SLC25A37: variants seen among roughly 807,000 people sequenced by gnomAD.
SLC25A37 encodes the protein solute carrier family 25 member 37.
Under a neutral mutation model 31.0 loss-of-function variants are expected in SLC25A37, and 17 were observed. The observed-to-expected ratio is 0.55, with a 90% CI of 0.38 to 0.82. The LOEUF (loss-of-function observed/expected upper bound fraction) is 0.82. Among genes scored for constraint, SLC25A37 ranks in the 40% least tolerant of loss-of-function variants. The pLI is 0.00. For missense variants in SLC25A37, 404 were observed against 465.8 expected (o/e 0.87, Z 1.22); for synonymous variants, 222 against 193.0 (o/e 1.15, Z -1.24).
rs567122192 is a variant in SLC25A37, at chr8:23,575,460, C to T, written c.*3605C>T. 3 of 152,234 alleles carry T rather than the reference C, an allele frequency of 2.0e-5. No homozygotes were observed. Among genetic ancestry groups the T allele is most frequent in the Admixed American group, 6.5e-5 (1 of 15,292 alleles). The allele number at this position is 152,234 out of a possible 1,614,324, so 9.4% of individuals were successfully genotyped here. A position where few individuals can be genotyped will look rare whatever the true frequency, so the allele number is the denominator to read the frequency against. ...CTAGAGAAAATAAAGTACTGATCTT[C>T]GAAGTGTTGTGGGCTCTGTGGTGGG... is the stretch of plus-strand genomic sequence containing the variant. On this transcript the variant is annotated 3_prime_UTR_variant, in exon 4 of 4. Transcript: ENST00000519973.
At chr8:23,531,639 A>G (rs1326468958) in intron 1 of SLC25A37, 3 of 152,254 alleles carry the variant, frequency 2.0e-5, no homozygotes, top group Non-Finnish European at 4.4e-5. Flanking sequence ...TTGATCTTGT[A>G]ATGACAAATA....
At chr8:23,559,192 T>C (rs1447212758) in intron 1 of SLC25A37, among the ~76,000 whole-genome samples, 1 of 152,208 alleles carries the variant, frequency 6.6e-6, no homozygotes, top group Non-Finnish European at 1.5e-5. Context: ...AGTATGGTAA[T>C]GTGCTTATGC....
At chr8:23,532,642 C>T (rs1028700097) in intron 1 of SLC25A37, among the ~76,000 whole-genome samples, 2 of 152,304 alleles carry the variant, frequency 1.3e-5, no homozygotes, top group East Asian at 3.9e-4. Context: ...CCTTCTTTTG[C>T]TTTGCTGTTG....
intron 1 of SLC25A37, among the ~76,000 whole-genome samples, chr8:23,550,799 C>T (rs986127570): frequency 1.3e-5 from 2 of 152,186 alleles, no homozygotes; most frequent in Non-Finnish European, 2.9e-5. Flanking sequence ...ATATCTGTGC[C>T]CTGTAGTACC....
At chr8:23,566,729 A>T in intron 2 of SLC25A37, 2 of 993,712 alleles carry the variant, frequency 2.0e-6, no homozygotes, top group South Asian at 8.4e-5. Flanking sequence ...AAAAAAAAAA[A>T]GTTATCTGGA....
chr8:23,570,178 G>C (rs916939247), intron 3 of SLC25A37, among the ~76,000 whole-genome samples: 1 of 152,128 alleles, frequency 6.6e-6, no homozygotes, highest in Admixed American at 6.5e-5. Flanking sequence ...TTTCTTTATC[G>C]TGTGCCGCAC....
intron 1 of SLC25A37, among the ~76,000 whole-genome samples, chr8:23,546,556 G>GTATATATA (rs56169952): frequency 4.7e-5 from 2 of 42,590 alleles, no homozygotes; most frequent in Non-Finnish European, 7.4e-5. Flanking sequence ...TATATATAGT[G>GTATATATA]TATATATATA....
chr8:23,530,785 T>C (rs1801647022), intron 1 of SLC25A37, among the ~76,000 whole-genome samples: 1 of 152,228 alleles, frequency 6.6e-6, no homozygotes, highest in Admixed American at 6.5e-5. Flanking sequence ...GAATGTTCTA[T>C]TCGGGAACCC....
intron 2 of SLC25A37, chr8:23,566,859 G>A (rs1802675678): frequency 5.1e-6 from 5 of 981,928 alleles, no homozygotes; most frequent in Non-Finnish European, 6.0e-6. Flanking sequence ...AACGCAGAAG[G>A]CCTTTCCCAC....
Position 23,528,988 on chromosome 8 carries a change from C to T in SLC25A37, c.-15C>T. ...CCCACCTCCTGCAGCCTCCTGCGCC[C>T]CGCCGAGCTGGCGGATGGAGCTGCG... is the stretch of plus-strand genomic sequence containing the variant. On this transcript the variant is annotated 5_prime_UTR_variant, in exon 1 of 4. Coordinates refer to ENST00000519973, the MANE Select transcript of SLC25A37 (RefSeq NM_016612.4). 6.1e-6 allele frequency: 9 copies of T among 1,483,728 alleles called. No homozygotes were observed. Among genetic ancestry groups the T allele is most frequent in the Non-Finnish European group, 8.1e-6 (9 of 1,114,892 alleles). 91.9% of individuals were successfully genotyped at this position (1,483,728 alleles called of 1,614,324 possible). A position where few individuals can be genotyped will look rare whatever the true frequency, so the allele number is the denominator to read the frequency against.
chr8:23,541,167 A>T (rs1361988831), intron 1 of SLC25A37, among the ~76,000 whole-genome samples: 6 of 152,016 alleles, frequency 3.9e-5, no homozygotes, highest in African/African-American at 1.5e-4. Context: ...GTGGTAATGT[A>T]GACAGGGGAT....
intron 3 of SLC25A37, among the ~76,000 whole-genome samples, chr8:23,570,082 G>T (rs1035211443): frequency 2.0e-5 from 3 of 152,116 alleles, no homozygotes; most frequent in Admixed American, 6.5e-5. Flanking sequence ...GGCAGGTTGG[G>T]AGGTGGGCGG....
In SLC25A37 at chr8:23,546,553, A is replaced by AG. The variant is rs1554497889; in HGVS notation, c.210+17342dup. Among the ~76,000 whole-genome samples, 110 of 17,072 alleles carry AG rather than the reference A, an allele frequency of 6.4e-3. 2 individuals carry two copies. The highest frequency in any genetic ancestry group is 0.015 in the African/African-American group (80 of 5,222). 11.2% of individuals were successfully genotyped at this position (17,072 alleles called of 152,430 possible). ...GGTGTATATATATATATATATATAT[A>AG]GTGTATATATATATATATATATATA... On this transcript the variant is annotated intron_variant, in intron 1 of 3. Coordinates refer to ENST00000519973, the MANE Select transcript of SLC25A37 (RefSeq NM_016612.4).
chr8:23,568,712 G>T (rs939317565), intron 3 of SLC25A37: 3 of 320,224 alleles, frequency 9.4e-6, no homozygotes, highest in Non-Finnish European at 1.8e-5. Context: ...GGAGGCCGAG[G>T]TGGGCAGATC....
rs575009913 is a variant in SLC25A37 at position 23,550,325 on chromosome 8, A to T, written c.211-15783A>T. Reference sequence around the variant, plus strand: ...AGCATGGCATGGCGCTGGCTCCGAGATCACAGTGCTGCCGCCCTCCTTCAC... The same window carrying T: ...AGCATGGCATGGCGCTGGCTCCGAGTTCACAGTGCTGCCGCCCTCCTTCAC... On this transcript the variant is annotated intron_variant, in intron 1 of 3. Transcript: ENST00000519973. Among the ~76,000 whole-genome samples, 7 of 101,248 alleles carry T rather than the reference A, an allele frequency of 6.9e-5. No individual in the cohort carries two copies. The South Asian group carries it at 1.1e-3, about 16-fold the overall frequency. The allele number at this position is 101,248 out of a possible 152,430, so 66.4% of individuals were successfully genotyped here.
chr8:23,541,666 GC>G (rs1390961729), intron 1 of SLC25A37: 1 of 152,426 alleles, frequency 6.6e-6, no homozygotes, highest in East Asian at 1.9e-4. Context: ...CGCGGGCAGT[GC>G]CTCTGACTCA....
intron 1 of SLC25A37, among the ~76,000 whole-genome samples, chr8:23,551,883 C>G (rs1297345507): frequency 1.3e-5 from 2 of 152,172 alleles, no homozygotes; most frequent in African/African-American, 2.4e-5. Context: ...TACCTAGGGT[C>G]AGGATGGGGT....
In SLC25A37 at chr8:23,529,627, C is replaced by G. The variant is rs1801624031; in HGVS notation, c.210+415C>G. On this transcript the variant is annotated intron_variant, in intron 1 of 3. Coordinates refer to ENST00000519973, the MANE Select transcript of SLC25A37 (RefSeq NM_016612.4). The surrounding 1 kb of genome is among the most constrained non-coding windows in gnomAD (Gnocchi z 4.1). Reference sequence around the variant, plus strand: ...CGTGCGCGGTTTCCGAGGGAGCTCCCCGCAGGGGAAGCCCTCACCACGCTG... The same window carrying G: ...CGTGCGCGGTTTCCGAGGGAGCTCCGCGCAGGGGAAGCCCTCACCACGCTG... Among the ~76,000 whole-genome samples the G allele has an allele frequency of 6.6e-6, 1 of 152,190 alleles. No homozygotes were observed. Among genetic ancestry groups the G allele is most frequent in the South Asian group, 2.1e-4 (1 of 4,832 alleles).
chr8:23,542,857 A>C (rs894922089), intron 1 of SLC25A37, among the ~76,000 whole-genome samples: 1 of 151,920 alleles, frequency 6.6e-6, no homozygotes, highest in Non-Finnish European at 1.5e-5. Flanking sequence ...GCTAATGTGT[A>C]TGTTTAAGAA....
Sources: allele counts gnomAD v4.1 joint callset (sites outside exome capture counted in the v4.1 genomes callset), GRCh38; gene constraint gnomAD v4.1.1; non-coding constraint Gnocchi (gnomAD v3.1); transcripts MANE v1.5; gene names NCBI Gene and HGNC (gene_info 2026-07-23, HGNC 2026-07-21).